Variants in CELSR3 observed in about 807,000 individuals in gnomAD.
CELSR3 encodes the protein EGF-like protein 1.
CELSR3 carries 73 observed loss-of-function variants against 270.0 expected under a neutral mutation model. That is an observed-to-expected ratio of 0.27 (90% CI 0.22 to 0.33). CELSR3 has a LOEUF of 0.33. CELSR3 is among the 10% of genes least tolerant of loss of function. The probability of loss-of-function intolerance (pLI) is 1.00; values close to 1 mark genes in which losing one functional copy is unlikely to be tolerated. For missense variants in CELSR3, 3,614 were observed against 4,533.8 expected, an observed-to-expected ratio of 0.80 and a Z score of 5.83; for synonymous variants, 1,780 against 1,905.4, an observed-to-expected ratio of 0.93 and a Z score of 1.71.
chr3:48,650,636 C>G lies in CELSR3; in HGVS notation c.6371-55G>C. 1 of 1,413,982 alleles carries G rather than the reference C, an allele frequency of 7.1e-7. No homozygotes were observed. The highest frequency in any genetic ancestry group is 9.7e-7 in the Non-Finnish European group (1 of 1,033,288). 87.6% of individuals were successfully genotyped at this position (1,413,982 alleles called of 1,614,324 possible). Reference sequence around the variant, plus strand: ...AGTCAGGGTACAGGGCAGTTGACAGCCACACCCACTGCCCCTCCACCACCC... The same window carrying G: ...AGTCAGGGTACAGGGCAGTTGACAGGCACACCCACTGCCCCTCCACCACCC... On this transcript the variant is annotated intron_variant, in intron 15 of 34. Transcript: ENST00000164024. This position sits in a 1 kb window ranked among gnomAD's most constrained non-coding sequence, Gnocchi z 5.1.
In CELSR3 at chr3:48,640,947, C is replaced by A; in HGVS notation, c.9025+377G>T. 1 of 381,986 alleles carries A rather than the reference C, an allele frequency of 2.6e-6. No homozygotes were observed. The allele number at this position is 381,986 out of a possible 1,614,324, so 23.7% of individuals were successfully genotyped here. ...GGTCCCTGTGATGCAAGGGTGAGGG[C>A]AGAAACCTCTTCTCCGGGTCCCCAT... On this transcript the variant is annotated intron_variant, in intron 33 of 34. Coordinates refer to ENST00000164024, the MANE Select transcript of CELSR3 (RefSeq NM_001407.3). The surrounding 1 kb of genome is among the most constrained non-coding windows in gnomAD (Gnocchi z 7.5).
At position 48,637,963 on chromosome 3, in the gene CELSR3, T is replaced by A; in HGVS notation, c.*242A>T. 4.7e-6 allele frequency: 2 copies of A among 427,842 alleles called. No individual in the cohort carries two copies. Among genetic ancestry groups the A allele is most frequent in the Non-Finnish European group, 8.5e-6 (2 of 236,128 alleles). The allele number at this position is 427,842 out of a possible 1,614,324, so 26.5% of individuals were successfully genotyped here. A position where few individuals can be genotyped will look rare whatever the true frequency, so the allele number is the denominator to read the frequency against. ...AAAGCTGAAAAATAACATAAGCATC[T>A]CTCTGGTTACAAAGGTACAAAACGT... On this transcript the variant is annotated 3_prime_UTR_variant, in exon 35 of 35. Coordinates refer to ENST00000164024, the MANE Select transcript of CELSR3 (RefSeq NM_001407.3).
Position 48,652,909 on chromosome 3 carries a change from G to A in CELSR3, c.5634+93C>T. 9.7e-7 allele frequency: 1 copy of A among 1,029,322 alleles called. No individual in the cohort carries two copies. Among genetic ancestry groups the A allele is most frequent in the South Asian group, 1.4e-5 (1 of 70,042 alleles). 63.8% of individuals were successfully genotyped at this position (1,029,322 alleles called of 1,614,324 possible). On this transcript the variant is annotated intron_variant, in intron 10 of 34. Transcript: ENST00000164024. This position sits in a 1 kb window ranked among gnomAD's most constrained non-coding sequence, Gnocchi z 4.3. ...GAACATCAGACTCAGTGCAGTGGAG[G>A]GAACTGAGAGGAGCTGGACTAGAGG...
chr3:48,639,919 C>A lies in CELSR3; in HGVS notation c.9666G>T (p.Gln3222His), dbSNP rs867723064. The A allele has an allele frequency of 1.2e-6, 2 of 1,613,154 alleles. No homozygotes were observed. The highest frequency in any genetic ancestry group is 1.7e-6 in the Non-Finnish European group (2 of 1,179,998). The change falls in exon 34 of 35, where the codon CAG (glutamine) becomes CAT (histidine). Residue 3222 changes from glutamine (Q) to histidine (H), a missense_variant. Around this residue, in one of 7 missense-constraint regions of CELSR3, gnomAD observed 1,240 missense variants for 1,351.7 expected, o/e 0.92. Transcript: ENST00000164024. The surrounding 1 kb of genome is among the most constrained non-coding windows in gnomAD (Gnocchi z 4.1). ...PSREALGPLP[Q>H]LLRAREDSVS... ...CCGAGTCCTCCCTAGCTCTGAGCAG[C>A]TGCGGGAGTGGCCCAAGGGCTTCTC...
At chr3:48,656,102 GCGGCGGGGA>G in intron 3 of CELSR3, 29 bp downstream of exon 3, 1 of 1,518,554 alleles carries the variant, frequency 6.6e-7, no homozygotes, top group Non-Finnish European at 8.8e-7. Context: ...GTAGGTGGGG[GCGGCGGGGA>G]GGCGCTCAGA....
chr3:48,644,755 G>A lies in CELSR3; in HGVS notation c.8046C>T (p.Leu2682=). The part of the protein sequence containing the change: ...DFCWISVHEP[L]IWSFAGPVVL... ...CAACAGGGCCAGCAAAGCTCCAGAT[G>A]AGGGGCTCGTGGACTGAGATCCAGC... Residue 2682 remains leucine (L), a synonymous_variant, in exon 26 of 35, where the codon CTC becomes CTT. Transcript: ENST00000164024. This position sits in a 1 kb window ranked among gnomAD's most constrained non-coding sequence, Gnocchi z 4.8. The A allele has an allele frequency of 6.2e-7, 1 of 1,613,548 alleles. No individual in the cohort carries two copies. Among genetic ancestry groups the A allele is most frequent in the Non-Finnish European group, 8.5e-7 (1 of 1,179,964 alleles).
Position 48,637,767 on chromosome 3 carries a change from TG to T in CELSR3, c.*437del. 1 of 169,262 alleles carries T rather than the reference TG, an allele frequency of 5.9e-6. No homozygotes were observed. 10.5% of individuals were successfully genotyped at this position (169,262 alleles called of 1,614,324 possible). A position where few individuals can be genotyped will look rare whatever the true frequency, so the allele number is the denominator to read the frequency against. ...GCCCCTGACGATACTCAGATCAACT[TG>T]GGGGTGGAATAGGGGGAGGAAGGCA... On this transcript the variant is annotated 3_prime_UTR_variant, in exon 35 of 35. Transcript: ENST00000164024.
Position 48,658,138 on chromosome 3 carries a change from G to A in CELSR3, c.3748+749C>T, listed in dbSNP as rs969677479. On this transcript the variant is annotated intron_variant, in intron 1 of 34. Coordinates refer to ENST00000164024, the MANE Select transcript of CELSR3 (RefSeq NM_001407.3). The surrounding 1 kb of genome is among the most constrained non-coding windows in gnomAD (Gnocchi z 4.7). ...TAGCACATACTGGGTGGTCAATAAG[G>A]ATAGACTGTTGAGTGAGTTGAGGGA... 9.8e-5 allele frequency among the ~76,000 whole-genome samples: 15 copies of A among 152,344 alleles called. No individual in the cohort carries two copies. Among genetic ancestry groups the A allele is most frequent in the Middle Eastern group, 3.4e-3 (1 of 294 alleles).
rs571480470 is a variant in CELSR3, at chr3:48,658,859, G to A, written c.3748+28C>T. 1.2e-4 allele frequency: 190 copies of A among 1,602,544 alleles called. 2 individuals are homozygous for A. The South Asian group carries it at 1.9e-3, about 16-fold the overall frequency. ...GAGGCCCAACAGGTTGGTGTCACTG[G>A]GTCACTTGCCTGCCCCCTGCCCCTC... On this transcript the variant is annotated intron_variant, in intron 1 of 34. Transcript: ENST00000164024. This position sits in a 1 kb window ranked among gnomAD's most constrained non-coding sequence, Gnocchi z 4.7.
rs1196768492 is a variant in CELSR3 at position 48,649,049 on chromosome 3, G to A, written c.6567+72C>T. 5.2e-6 allele frequency: 8 copies of A among 1,537,364 alleles called. No individual in the cohort carries two copies. The African/African-American group carries it at 1.1e-4, about 21-fold the overall frequency. On this transcript the variant is annotated intron_variant, in intron 17 of 34. Transcript: ENST00000164024. ...AAAGGCTCAGGAGTTCAAGGGCTAG[G>A]GTGTGGTATCTGGGGCCCACCACAG... is the stretch of plus-strand genomic sequence containing the variant.
chr3:48,650,779 C>A lies in CELSR3; in HGVS notation c.6370+113G>T. On this transcript the variant is annotated intron_variant, in intron 15 of 34. Coordinates refer to ENST00000164024, the MANE Select transcript of CELSR3 (RefSeq NM_001407.3). The surrounding 1 kb of genome is among the most constrained non-coding windows in gnomAD (Gnocchi z 5.1). The stretch of plus-strand genomic sequence containing the variant: ...GTAGGGTTCCCTGGGTGTAAGTGGT[C>A]TCCCTCAGGAGAAGCTTCCAGAGTC... 8.0e-7 allele frequency: 1 copy of A among 1,253,952 alleles called. No homozygotes were observed. The highest frequency in any genetic ancestry group is 1.5e-5 in the South Asian group (1 of 67,998). The allele number at this position is 1,253,952 out of a possible 1,614,324, so 77.7% of individuals were successfully genotyped here. A position where few individuals can be genotyped will look rare whatever the true frequency, so the allele number is the denominator to read the frequency against.
At position 48,646,676 on chromosome 3, in the gene CELSR3, G is replaced by A; in HGVS notation, c.7295+87C>T. 2 of 1,342,480 alleles carry A rather than the reference G, an allele frequency of 1.5e-6. No individual in the cohort carries two copies. The highest frequency in any genetic ancestry group is 2.7e-5 in the South Asian group (2 of 73,342). The allele number at this position is 1,342,480 out of a possible 1,614,324, so 83.2% of individuals were successfully genotyped here. A position where few individuals can be genotyped will look rare whatever the true frequency, so the allele number is the denominator to read the frequency against. On this transcript the variant is annotated intron_variant, in intron 21 of 34. Coordinates refer to ENST00000164024, the MANE Select transcript of CELSR3 (RefSeq NM_001407.3). The surrounding 1 kb of genome is among the most constrained non-coding windows in gnomAD (Gnocchi z 4.8). ...CCTGGAGCTGTGCTCCTCTCTGTGTGTTGTGAACCTACGCATCTACCCACC... is the reference window on the plus strand; with the variant it reads ...CCTGGAGCTGTGCTCCTCTCTGTGTATTGTGAACCTACGCATCTACCCACC...
intron 27 of CELSR3, 85 bp from the exon 28 acceptor site, chr3:48,643,762 G>A: frequency 1.4e-6 from 2 of 1,464,426 alleles, no homozygotes; most frequent in Non-Finnish European, 9.2e-7. Context: ...ACACACAGGG[G>A]CCACACACGA....
rs757360958 is a variant in CELSR3 at position 48,645,252 on chromosome 3, A to T, written c.7798-43T>A. On this transcript the variant is annotated intron_variant, in intron 24 of 34. Coordinates refer to ENST00000164024, the MANE Select transcript of CELSR3 (RefSeq NM_001407.3). This position sits in a 1 kb window ranked among gnomAD's most constrained non-coding sequence, Gnocchi z 5.4. ...TGTCAGGACCTCTCCTGCCTCACCCACCTCTGACCCCTACCCCAGGCATCT... is the reference window on the plus strand; with the variant it reads ...TGTCAGGACCTCTCCTGCCTCACCCTCCTCTGACCCCTACCCCAGGCATCT... 1 of 1,549,222 alleles carries T rather than the reference A, an allele frequency of 6.5e-7. No homozygotes were observed. Among genetic ancestry groups the T allele is most frequent in the East Asian group, 2.3e-5 (1 of 43,772 alleles).
chr3:48,640,743 A>G lies in CELSR3; in HGVS notation c.9026-184T>C, dbSNP rs1575537655. The G allele has an allele frequency of 2.3e-5, 9 of 399,108 alleles. No homozygotes were observed. Among genetic ancestry groups the G allele is most frequent in the East Asian group, 5.5e-5 (1 of 18,318 alleles). 24.7% of individuals were successfully genotyped at this position (399,108 alleles called of 1,614,324 possible). ...AGAGAGGCAGCAGGACAGGGGTCAG[A>G]GTGGAAGGGCAGTCATCTTCCAGTT... is the stretch of plus-strand genomic sequence containing the variant. On this transcript the variant is annotated intron_variant, in intron 33 of 34. Transcript: ENST00000164024. The surrounding 1 kb of genome is among the most constrained non-coding windows in gnomAD (Gnocchi z 7.5).
In CELSR3 at chr3:48,651,759, G is replaced by C; in HGVS notation, c.5924-41C>G. The C allele has an allele frequency of 6.5e-7, 1 of 1,534,436 alleles. No individual in the cohort carries two copies. Among genetic ancestry groups the C allele is most frequent in the Non-Finnish European group, 8.7e-7 (1 of 1,143,316 alleles). ...GAAAGCTCAGGATCCTGGTCGCAGA[G>C]CATGGAAGGAAGCAGGCACCCGTCC... On this transcript the variant is annotated intron_variant, in intron 12 of 34. Coordinates refer to ENST00000164024, the MANE Select transcript of CELSR3 (RefSeq NM_001407.3). The surrounding 1 kb of genome is among the most constrained non-coding windows in gnomAD (Gnocchi z 7.4).
At position 48,653,722 on chromosome 3, in the gene CELSR3, G is replaced by C. The variant is rs1411499206; in HGVS notation, c.5345C>G (p.Ala1782Gly). 1 of 1,614,084 alleles carries C rather than the reference G, an allele frequency of 6.2e-7. No homozygotes were observed. The highest frequency in any genetic ancestry group is 1.3e-5 in the African/African-American group (1 of 74,936). ...TLSWNFGSDM[A>G]VSVPWYLGLA... ...CCCCAGGTACCATGGCACAGACACAGCCATGTCACTTCCAAAGTTCCAGCT... is the reference window on the plus strand; with the variant it reads ...CCCCAGGTACCATGGCACAGACACACCCATGTCACTTCCAAAGTTCCAGCT... Residue 1782 changes from alanine to glycine, a missense_variant, in exon 9 of 35, where the codon GCT (alanine) becomes GGT (glycine). This residue lies in a region of CELSR3 where 1,331 missense variants were observed against 1,933.7 expected (regional missense o/e 0.69). Coordinates refer to ENST00000164024, the MANE Select transcript of CELSR3 (RefSeq NM_001407.3). This position sits in a 1 kb window ranked among gnomAD's most constrained non-coding sequence, Gnocchi z 6.5.
In CELSR3 at chr3:48,648,484, G is replaced by A. The variant is rs764255365; in HGVS notation, c.6778-23C>T. On this transcript the variant is annotated intron_variant, in intron 18 of 34. Transcript: ENST00000164024. The stretch of plus-strand genomic sequence containing the variant: ...ATTCTGGGAAGACAGAGATAGAATT[G>A]GGTTCAGCCAGGTGGTGAGGATGTA... 33 of 1,511,310 alleles carry A rather than the reference G, an allele frequency of 2.2e-5. No homozygotes were observed. The Admixed American group carries it at 4.4e-4, about 20-fold the overall frequency. 93.6% of individuals were successfully genotyped at this position (1,511,310 alleles called of 1,614,324 possible).
intron 19 of CELSR3, 24 bp downstream of exon 19, chr3:48,648,242 C>A (rs751000986): frequency 3.7e-6 from 5 of 1,353,374 alleles, no homozygotes; most frequent in Non-Finnish European, 5.3e-6. Context: ...TGCTGTGCCC[C>A]GCCCTACCCC....
Sources: gnomAD v4.1 joint callset for allele counts (sites outside exome capture counted in the v4.1 genomes callset) on GRCh38, gnomAD v4.1.1 for gene constraint, gnomAD v4.1.1 regional missense constraint, Gnocchi (gnomAD v3.1) non-coding constraint, MANE v1.5 for transcripts, NCBI Gene and HGNC (gene_info 2026-07-23, HGNC 2026-07-21) for gene names.